Variants in NUTM2E observed in about 807,000 individuals in gnomAD.
NUTM2E encodes family with sequence similarity 22, member E.
A neutral mutation model predicts 26.1 loss-of-function variants in NUTM2E; 3 were observed. The ratio of observed to expected loss-of-function variants is 0.12; its 90% CI spans 0.05 to 0.30. The LOEUF is 0.30. NUTM2E is among the 10% of genes least tolerant of loss of function. The pLI, the probability that NUTM2E is intolerant of heterozygous loss-of-function variation, is 1.00. For synonymous variants in NUTM2E, 13 were observed against 157.5 expected (o/e 0.08, Z 6.87); for missense variants, 62 against 381.3 (o/e 0.16, Z 6.97).
At chr10:79,829,918 A>G (rs1166797233) in intron 1 of NUTM2E, among the ~76,000 whole-genome samples, 1 of 151,280 alleles carries the variant, frequency 6.6e-6, no homozygotes, top group Non-Finnish European at 1.5e-5. Flanking sequence ...GACAAAACAA[A>G]TATTTACCAC....
intron 1 of NUTM2E, among the ~76,000 whole-genome samples, chr10:79,830,491 A>G (rs1841920885): frequency 6.6e-6 from 1 of 151,760 alleles, no homozygotes; most frequent in African/African-American, 2.4e-5. Context: ...AAAATTTTAC[A>G]TATGTAAAAA....
intron 1 of NUTM2E, among the ~76,000 whole-genome samples, chr10:79,837,230 A>G (rs1416460724): frequency 6.6e-6 from 1 of 151,952 alleles, no homozygotes; most frequent in Non-Finnish European, 1.5e-5. Context: ...TTTGTAGACT[A>G]TGTGAACTGC....
intron 1 of NUTM2E, among the ~76,000 whole-genome samples, chr10:79,830,247 A>C: frequency 6.6e-6 from 1 of 151,786 alleles, no homozygotes; most frequent in South Asian, 2.1e-4. Flanking sequence ...TAGCTCTTTC[A>C]TCCTAAGAAT....
chr10:79,845,575 C>G (rs1842018900), intron 5 of NUTM2E, among the ~76,000 whole-genome samples: 2 of 105,700 alleles, frequency 1.9e-5, no homozygotes. Flanking sequence ...CTATCATTAT[C>G]AAGACTAGGC....
intron 1 of NUTM2E, among the ~76,000 whole-genome samples, chr10:79,836,998 A>G (rs1366259596): frequency 6.6e-6 from 1 of 151,698 alleles, no homozygotes; most frequent in Non-Finnish European, 1.5e-5. Flanking sequence ...TAGAAGGAAG[A>G]GAAAAAAAAA....
rs879184039 is a variant in NUTM2E, at chr10:79,838,104, A to C, written c.-2727-205A>C. Among the ~76,000 whole-genome samples the C allele has an allele frequency of 3.3e-5, 5 of 149,434 alleles. No individual in the cohort carries two copies. In the East Asian group the frequency reaches 6.1e-4, roughly 18 times the overall value. On this transcript the variant is annotated intron_variant, in intron 1 of 9. Transcript: ENST00000429984. ...CAACAGTGGGTCATAGTAGACAGAA[A>C]CCCTAGAACCCCTTTTCTCCAAAGC...
At chr10:79,837,169 A>T (rs1349012089) in intron 1 of NUTM2E, among the ~76,000 whole-genome samples, 5 of 152,096 alleles carry the variant, frequency 3.3e-5, no homozygotes, top group African/African-American at 1.2e-4. Context: ...CAAAGCAAGT[A>T]TAAATCAGAA....
chr10:79,836,728 T>TA (rs1261223253), intron 1 of NUTM2E, among the ~76,000 whole-genome samples: 5 of 151,972 alleles, frequency 3.3e-5, no homozygotes, highest in Non-Finnish European at 7.4e-5. Flanking sequence ...ATTAATCTAT[T>TA]ACGTTTTGAG....
At chr10:79,835,033 C>G (rs1413476906) in intron 1 of NUTM2E, among the ~76,000 whole-genome samples, 2 of 150,914 alleles carry the variant, frequency 1.3e-5, no homozygotes, top group African/African-American at 4.9e-5. Flanking sequence ...AAATAAACTG[C>G]CTTGTTGCTG....
chr10:79,829,001 A>G (rs1841909535), intron 1 of NUTM2E, among the ~76,000 whole-genome samples: 7 of 151,952 alleles, frequency 4.6e-5, no homozygotes, highest in African/African-American at 1.7e-4. Context: ...AAATATTTAT[A>G]ATATAACTGT....
intron 1 of NUTM2E, among the ~76,000 whole-genome samples, chr10:79,835,417 A>C (rs1209485320): frequency 7.2e-6 from 1 of 139,092 alleles, no homozygotes; most frequent in Non-Finnish European, 1.6e-5. Flanking sequence ...TTGAATTCCC[A>C]GGAGTGAAAC....
At chr10:79,836,797 TGAGAAGTGCTATA>T (rs1324671182) in intron 1 of NUTM2E, among the ~76,000 whole-genome samples, 1 of 151,918 alleles carries the variant, frequency 6.6e-6, no homozygotes, top group Admixed American at 6.6e-5. Context: ...AAAATAGAAC[TGAGAAGTGCTATA>T]GCAATCATAC....
intron 1 of NUTM2E, among the ~76,000 whole-genome samples, chr10:79,837,485 G>T (rs1841971124): frequency 6.6e-6 from 1 of 152,144 alleles, no homozygotes; most frequent in African/African-American, 2.4e-5. Flanking sequence ...GATCACTAAG[G>T]ATCACTGAGG....
At chr10:79,836,351 C>T (rs1480585041) in intron 1 of NUTM2E, among the ~76,000 whole-genome samples, 2 of 151,772 alleles carry the variant, frequency 1.3e-5, no homozygotes, top group African/African-American at 2.4e-5. Context: ...AAAAAAAATT[C>T]ATTTACAAAT....
Position 79,839,008 on chromosome 10 carries a change from C to T in NUTM2E, c.-2221C>T, listed in dbSNP as rs1156716676. 7.3e-4 allele frequency among the ~76,000 whole-genome samples: 110 copies of T among 150,006 alleles called. 1 individual carries two copies. The highest frequency in any genetic ancestry group is 2.6e-3 in the African/African-American group (108 of 40,814). The stretch of plus-strand genomic sequence containing the variant: ...CGCTGGAGATGTGGAAATGGAGGGA[C>T]GCGGCACCTGGGTGCTTCCTGGGGC... On this transcript the variant is annotated 5_prime_UTR_variant, in exon 3 of 10. In the 5' UTR this introduces an upstream ATG that the reference lacks. Transcript: ENST00000429984.
At chr10:79,833,331 C>T (rs1385157908) in intron 1 of NUTM2E, among the ~76,000 whole-genome samples, 1 of 151,290 alleles carries the variant, frequency 6.6e-6, no homozygotes, top group Non-Finnish European at 1.5e-5. Context: ...CGATATTGGA[C>T]CTGTTGCTGG....
chr10:79,845,120 CACA>C (rs1842016154), intron 5 of NUTM2E, among the ~76,000 whole-genome samples: 5 of 113,838 alleles, frequency 4.4e-5, no homozygotes, highest in Admixed American at 2.5e-4. Context: ...CAATAATTTT[CACA>C]ACAATGTTTA....
rs1841977712 is a variant in NUTM2E at position 79,838,486 on chromosome 10, T to A, written c.-2550T>A. Among the ~76,000 whole-genome samples, 1 of 149,578 alleles carries A rather than the reference T, an allele frequency of 6.7e-6. No homozygotes were observed. Among genetic ancestry groups the A allele is most frequent in the African/African-American group, 2.4e-5 (1 of 40,890 alleles). On this transcript the variant is annotated 5_prime_UTR_variant, in exon 2 of 10. Coordinates refer to ENST00000429984, the MANE Select transcript of NUTM2E (RefSeq NM_001355263.2). ...ATCACGGTTTCAACTGCTGAGGTTT[T>A]CTTCAAGCTTTTGCATTGTTTGGAA...
intron 1 of NUTM2E, among the ~76,000 whole-genome samples, chr10:79,836,738 G>A (rs1257960963): frequency 6.6e-6 from 1 of 151,818 alleles, no homozygotes; most frequent in Non-Finnish European, 1.5e-5. Context: ...TACGTTTTGA[G>A]TACTTGAAAC....
Sources: gnomAD v4.1 joint callset for allele counts (sites outside exome capture counted in the v4.1 genomes callset) on GRCh38, gnomAD v4.1.1 for gene constraint, MANE v1.5 for transcripts, NCBI Gene and HGNC (gene_info 2026-07-23, HGNC 2026-07-21) for gene names.